Variants in AOAH observed in about 807,000 individuals in gnomAD.
The protein encoded by AOAH is acyloxyacyl hydrolase (neutrophil).
A neutral mutation model predicts 92.2 loss-of-function variants in AOAH; 64 were observed. The observed-to-expected ratio is 0.69, with a 90% confidence interval of 0.57 to 0.86. AOAH has a LOEUF of 0.86. Among genes scored for constraint, AOAH ranks in the 40% least tolerant of loss-of-function variants. The probability of loss-of-function intolerance (pLI) is 0.00; values close to 1 mark genes in which losing one functional copy is unlikely to be tolerated. For synonymous variants in AOAH, 263 were observed against 254.5 expected, an observed-to-expected ratio of 1.03 and a Z score of -0.32; for missense variants, 656 against 694.6, an observed-to-expected ratio of 0.94 and a Z score of 0.62.
intron 4 of AOAH, among the ~76,000 whole-genome samples, chr7:36,639,707 TGTC>T (rs1793767618): frequency 6.6e-6 from 1 of 152,228 alleles, no homozygotes; most frequent in East Asian, 1.9e-4. Flanking sequence ...CAATCCATGT[TGTC>T]TTGTTTCTTG....
At chr7:36,578,517 C>T (rs1788694081) in intron 12 of AOAH, among the ~76,000 whole-genome samples, 2 of 152,054 alleles carry the variant, frequency 1.3e-5, no homozygotes, top group African/African-American at 4.8e-5. Flanking sequence ...AATAGCAACC[C>T]CACACCTCCC....
At chr7:36,517,218 T>TTCTTTC (rs1562853989) in intron 20 of AOAH, among the ~76,000 whole-genome samples, 6 of 62,086 alleles carry the variant, frequency 9.7e-5, no homozygotes, top group African/African-American at 1.8e-4. Context: ...TTCTTTCTCT[T>TTCTTTC]TCTTTCTGTC....
At chr7:36,600,464 G>T (rs899723897) in intron 11 of AOAH, among the ~76,000 whole-genome samples, 12 of 152,172 alleles carry the variant, frequency 7.9e-5, no homozygotes, top group African/African-American at 2.9e-4. Context: ...GCAAGGCAGC[G>T]CAGGGCCCAG....
intron 6 of AOAH, among the ~76,000 whole-genome samples, chr7:36,628,119 C>T (rs1792808742): frequency 6.6e-6 from 1 of 151,768 alleles, no homozygotes; most frequent in Non-Finnish European, 1.5e-5. Flanking sequence ...GGGGGCAGGA[C>T]CGATGTGGGT....
intron 20 of AOAH, among the ~76,000 whole-genome samples, chr7:36,515,009 G>A (rs1284189764): frequency 6.6e-6 from 1 of 151,708 alleles, no homozygotes; most frequent in African/African-American, 2.4e-5. Flanking sequence ...CACTCATCCC[G>A]CTGCGTAATC....
intron 13 of AOAH, among the ~76,000 whole-genome samples, chr7:36,567,839 C>A (rs530684230): frequency 5.3e-5 from 8 of 152,198 alleles, no homozygotes; most frequent in Non-Finnish European, 1.2e-4. Flanking sequence ...TGCTCCCTCA[C>A]GTCTACTCTT....
chr7:36,580,585 T>C (rs561064526), intron 12 of AOAH, among the ~76,000 whole-genome samples: 2 of 152,386 alleles, frequency 1.3e-5, no homozygotes, highest in South Asian at 2.1e-4. Context: ...AAGTTGCTTT[T>C]TTTCCCCTTT....
chr7:36,547,255 G>A lies in AOAH; in HGVS notation c.1133+1357C>T, dbSNP rs568327380. On this transcript the variant is annotated intron_variant, in intron 15 of 20. Coordinates refer to ENST00000617537, the MANE Select transcript of AOAH (RefSeq NM_001637.4). Reference sequence around the variant, plus strand: ...CCCAGAATGTAGCCTTGGCCAACTTGGGGTTCTGGGGACAGCAGTAAACCA... The same window carrying A: ...CCCAGAATGTAGCCTTGGCCAACTTAGGGTTCTGGGGACAGCAGTAAACCA... Among the ~76,000 whole-genome samples the A allele has an allele frequency of 1.2e-3, 189 of 152,296 alleles. 1 individual carries two copies. Among genetic ancestry groups the A allele is most frequent in the African/African-American group, 4.5e-3 (186 of 41,560 alleles).
intron 20 of AOAH, among the ~76,000 whole-genome samples, chr7:36,520,816 A>G (rs1350656495): frequency 1.3e-5 from 2 of 152,242 alleles, no homozygotes; most frequent in Non-Finnish European, 2.9e-5. Flanking sequence ...AATCTAGCCA[A>G]TAATTTTCTT....
chr7:36,531,842 T>TTTTGTGTGTG (rs141365404), intron 18 of AOAH, among the ~76,000 whole-genome samples: 7 of 150,524 alleles, frequency 4.7e-5, no homozygotes, highest in African/African-American at 1.7e-4. Context: ...CTTTAAGAGG[T>TTTTGTGTGTG]TGTGTGTGTG....
chr7:36,533,369 T>C (rs1784810191), intron 16 of AOAH, among the ~76,000 whole-genome samples: 1 of 152,176 alleles, frequency 6.6e-6, no homozygotes, highest in Non-Finnish European at 1.5e-5. Flanking sequence ...TATTTTTCAC[T>C]TATACCTCTG....
At chr7:36,628,295 G>C (rs1792821375) in intron 6 of AOAH, among the ~76,000 whole-genome samples, 1 of 152,072 alleles carries the variant, frequency 6.6e-6, no homozygotes, top group South Asian at 2.1e-4. Flanking sequence ...TAAAAAGAGG[G>C]GATCCTCCTG....
chr7:36,620,696 G>T, intron 9 of AOAH, 85 bp downstream of exon 9: 1 of 1,348,276 alleles, frequency 7.4e-7, no homozygotes. Flanking sequence ...GTCTTCCCTG[G>T]ATCTAACTAA....
intron 13 of AOAH, among the ~76,000 whole-genome samples, chr7:36,565,305 G>GT (rs11417901): frequency 1 from 152,304 of 152,304 alleles, 76,152 homozygotes; most frequent in Non-Finnish European, 1. Flanking sequence ...TCCTCTCAAG[G>GT]TTTGGGTTGA....
intron 5 of AOAH, among the ~76,000 whole-genome samples, chr7:36,636,630 C>A (rs995747373): frequency 1.3e-5 from 2 of 152,164 alleles, no homozygotes; most frequent in African/African-American, 2.4e-5. Context: ...ATTGTCAATG[C>A]AGACATTGTG....
At chr7:36,605,686 G>A (rs567709616) in intron 11 of AOAH, among the ~76,000 whole-genome samples, 6 of 152,332 alleles carry the variant, frequency 3.9e-5, no homozygotes, top group African/African-American at 1.4e-4. Context: ...GGGCCAAGAT[G>A]ATGGATGTTC....
At chr7:36,684,890 G>T (rs543923865) in intron 2 of AOAH, among the ~76,000 whole-genome samples, 138 of 120,324 alleles carry the variant, frequency 1.1e-3, no homozygotes, top group African/African-American at 4.1e-3. Context: ...CTGGGCGACA[G>T]ACTGAGACCT....
Position 36,513,291 on chromosome 7 carries a change from G to A in AOAH, c.1689C>T (p.Pro563=). Residue 563 remains proline (P), a synonymous_variant, in exon 21 of 21, where the codon CCC becomes CCT. Transcript: ENST00000617537. ...GGTCTCCAAACACCTGTTTAATCTG[G>A]GGGTTGAACGGATTCTCCTTTCCCA... ...QILGKENPFN[P]QIKQVFGDQG... is the part of the protein sequence containing the mutation. 6.2e-7 allele frequency: 1 copy of A among 1,614,132 alleles called. No individual in the cohort carries two copies. The highest frequency in any genetic ancestry group is 2.2e-5 in the East Asian group (1 of 44,878).
At chr7:36,676,028 A>G in intron 2 of AOAH, among the ~76,000 whole-genome samples, 1 of 152,220 alleles carries the variant, frequency 6.6e-6, no homozygotes, top group East Asian at 1.9e-4. Context: ...TTTAGTGGTG[A>G]AAAATTAAAT....
Sources: allele counts gnomAD v4.1 joint callset (sites outside exome capture counted in the v4.1 genomes callset), GRCh38; gene constraint gnomAD v4.1.1; transcripts MANE v1.5; gene names NCBI Gene and HGNC (gene_info 2026-07-23, HGNC 2026-07-21).